EDIL3: variants seen among roughly 807,000 people sequenced by gnomAD.
EDIL3 encodes the protein EGF like and discoidin domains 3, also known as EGF-like repeat and discoidin I-like domain-containing protein 3.
Under a neutral mutation model 67.4 loss-of-function variants are expected in EDIL3, and 37 were observed. The observed-to-expected ratio is 0.55, with a 90% confidence interval of 0.42 to 0.72. EDIL3 has a LOEUF of 0.72. Among genes scored for constraint, EDIL3 ranks in the 30% least tolerant of loss-of-function variants. EDIL3 has a pLI of 0.00. For missense variants in EDIL3, 527 were observed against 586.3 expected (o/e 0.90, Z 1.04); for synonymous variants, 195 against 196.3 (o/e 0.99, Z 0.05).
intron 5 of EDIL3, among the ~76,000 whole-genome samples, chr5:84,123,950 A>G (rs937462162): frequency 6.6e-6 from 1 of 151,976 alleles, no homozygotes; most frequent in African/African-American, 2.4e-5. Flanking sequence ...CTTGGATTAA[A>G]TGTATCCAGT....
At chr5:84,376,098 T>C (rs1400293693) in intron 1 of EDIL3, among the ~76,000 whole-genome samples, 1 of 152,228 alleles carries the variant, frequency 6.6e-6, no homozygotes, top group Non-Finnish European at 1.5e-5. Flanking sequence ...ATCCTAATTT[T>C]AACATGCTAC....
chr5:84,148,972 CAAAA>C (rs60662947), intron 4 of EDIL3, among the ~76,000 whole-genome samples: 30 of 87,048 alleles, frequency 3.4e-4, no homozygotes, highest in African/African-American at 1.1e-3. Context: ...ACAAAAACGA[CAAAA>C]AAAAAAAAAA....
At chr5:83,956,202 C>T (rs1744511259) in intron 10 of EDIL3, among the ~76,000 whole-genome samples, 2 of 151,796 alleles carry the variant, frequency 1.3e-5, no homozygotes, top group South Asian at 4.1e-4. Context: ...TGTCCCCTTC[C>T]TTTCCTGCTC....
Position 84,311,841 on chromosome 5 carries a change from A to C in EDIL3, c.68-57629T>G, listed in dbSNP as rs1310854998. The stretch of plus-strand genomic sequence containing the variant: ...CCTTAATCCATTTAACCCTGAGTGG[A>C]CACAGCACATGTTTCAGAGAGCACA... On this transcript the variant is annotated intron_variant, in intron 1 of 10. Transcript: ENST00000296591. 5.9e-5 allele frequency among the ~76,000 whole-genome samples: 9 copies of C among 152,292 alleles called. No individual in the cohort carries two copies. The East Asian group carries it at 1.5e-3, about 26-fold the overall frequency.
chr5:84,208,980 A>G (rs940503338), intron 3 of EDIL3, among the ~76,000 whole-genome samples: 2 of 152,186 alleles, frequency 1.3e-5, no homozygotes, highest in African/African-American at 2.4e-5. Flanking sequence ...CAACGCAAAT[A>G]TCCAACAATG....
intron 4 of EDIL3, among the ~76,000 whole-genome samples, chr5:84,150,223 C>T (rs1452516398): frequency 6.6e-6 from 1 of 152,084 alleles, no homozygotes; most frequent in Non-Finnish European, 1.5e-5. Context: ...ATGTAAAATA[C>T]ACTTAGAACT....
chr5:84,274,289 A>G (rs2112099664), intron 1 of EDIL3, among the ~76,000 whole-genome samples: 1 of 152,088 alleles, frequency 6.6e-6, no homozygotes, highest in South Asian at 2.1e-4. Context: ...TTTTGTAAAG[A>G]CAGGGTCCCA....
intron 6 of EDIL3, among the ~76,000 whole-genome samples, chr5:84,105,101 G>A (rs1041376675): frequency 6.6e-6 from 1 of 151,960 alleles, no homozygotes; most frequent in African/African-American, 2.4e-5. Flanking sequence ...AATGTCTCTG[G>A]AATGATTATT....
At chr5:84,073,300 CCTCT>C (rs1746779164) in intron 6 of EDIL3, among the ~76,000 whole-genome samples, 1 of 152,086 alleles carries the variant, frequency 6.6e-6, no homozygotes, top group Non-Finnish European at 1.5e-5. Context: ...ACAAGGATGC[CCTCT>C]CTCACCACTC....
intron 4 of EDIL3, among the ~76,000 whole-genome samples, chr5:84,168,585 T>G (rs1379940829): frequency 6.6e-6 from 1 of 152,110 alleles, no homozygotes; most frequent in Admixed American, 6.6e-5. Flanking sequence ...ACATCTATAG[T>G]AAAAAGTGAG....
intron 10 of EDIL3, among the ~76,000 whole-genome samples, chr5:83,956,661 A>G (rs1297452758): frequency 1.3e-5 from 2 of 151,696 alleles, no homozygotes; most frequent in African/African-American, 2.4e-5. Flanking sequence ...ATCCCATTCT[A>G]TTTTGGGCAT....
intron 6 of EDIL3, among the ~76,000 whole-genome samples, chr5:84,103,657 C>A (rs1019738562): frequency 1.3e-5 from 2 of 151,850 alleles, no homozygotes; most frequent in Non-Finnish European, 2.9e-5. Context: ...GCAAATGAAA[C>A]CACAATTAGA....
At chr5:84,268,691 G>T (rs1012369281) in intron 1 of EDIL3, among the ~76,000 whole-genome samples, 7 of 152,116 alleles carry the variant, frequency 4.6e-5, no homozygotes, top group Non-Finnish European at 1.0e-4. Context: ...GAAAAAATAA[G>T]AAAATCACCT....
intron 1 of EDIL3, among the ~76,000 whole-genome samples, chr5:84,383,826 G>A (rs978719307): frequency 6.6e-6 from 1 of 152,132 alleles, no homozygotes; most frequent in Non-Finnish European, 1.5e-5. Flanking sequence ...CAGGCCCTGC[G>A]CCAGAGCACC....
At chr5:84,002,764 A>C (rs1310755891) in intron 9 of EDIL3, among the ~76,000 whole-genome samples, 1 of 152,238 alleles carries the variant, frequency 6.6e-6, no homozygotes, top group Non-Finnish European at 1.5e-5. Flanking sequence ...CTGCAGAGGT[A>C]CTTGCCATTG....
rs560376998 is a variant in EDIL3 at position 84,259,584 on chromosome 5, G to T, written c.68-5372C>A. ...AGAATAAAGCAATTATTTTTCCCAGGGGCAAGAAATCATTGCAGGCTAAAT... is the reference window on the plus strand; with the variant it reads ...AGAATAAAGCAATTATTTTTCCCAGTGGCAAGAAATCATTGCAGGCTAAAT... On this transcript the variant is annotated intron_variant, in intron 1 of 10. Transcript: ENST00000296591. 2.8e-4 allele frequency among the ~76,000 whole-genome samples: 43 copies of T among 152,124 alleles called. No individual in the cohort carries two copies. In the South Asian group the frequency reaches 7.9e-3, roughly 28 times the overall value.
chr5:84,372,179 C>T (rs979663810), intron 1 of EDIL3, among the ~76,000 whole-genome samples: 1 of 151,934 alleles, frequency 6.6e-6, no homozygotes, highest in Non-Finnish European at 1.5e-5. Context: ...GCTACTTGGA[C>T]GGATTCCAAA....
chr5:84,159,798 C>T (rs1748572000), intron 4 of EDIL3, among the ~76,000 whole-genome samples: 1 of 151,990 alleles, frequency 6.6e-6, no homozygotes, highest in African/African-American at 2.4e-5. Context: ...ACACAGTATT[C>T]CCTCTGGGTT....
intron 5 of EDIL3, among the ~76,000 whole-genome samples, chr5:84,118,837 C>T (rs1278150724): frequency 2.0e-5 from 3 of 152,094 alleles, no homozygotes; most frequent in Non-Finnish European, 4.4e-5. Flanking sequence ...GGCCACATCT[C>T]ATACAGTACC....
Sources: gnomAD v4.1 joint callset for allele counts (sites outside exome capture counted in the v4.1 genomes callset) on GRCh38, gnomAD v4.1.1 for gene constraint, MANE v1.5 for transcripts, NCBI Gene and HGNC (gene_info 2026-07-23, HGNC 2026-07-21) for gene names.